COL24A1: variants seen among roughly 807,000 people sequenced by gnomAD.
The protein encoded by COL24A1 is collagen type XXIV alpha 1 chain.
COL24A1 carries 224 observed loss-of-function variants against 253.9 expected under a neutral mutation model. That is an observed-to-expected ratio of 0.88 (90% CI 0.79 to 0.99). The LOEUF (loss-of-function observed/expected upper bound fraction) is 0.99. COL24A1 is among the 50% of genes least tolerant of loss of function. The pLI is 0.00. For missense variants in COL24A1, 2,131 were observed against 2,068.5 expected (o/e 1.03, Z -0.59); for synonymous variants, 685 against 673.7 (o/e 1.02, Z -0.26).
chr1:85,858,152 G>C (rs1460904612), intron 37 of COL24A1, among the ~76,000 whole-genome samples: 1 of 152,162 alleles, frequency 6.6e-6, no homozygotes, highest in Non-Finnish European at 1.5e-5. Context: ...AGCTTTATAA[G>C]TGGTTTGGTC....
chr1:85,802,372 T>G (rs889748674), intron 47 of COL24A1, among the ~76,000 whole-genome samples: 8 of 152,148 alleles, frequency 5.3e-5, no homozygotes, highest in African/African-American at 1.7e-4. Flanking sequence ...TTTTTTTGAT[T>G]CTTTAAGCAC....
intron 47 of COL24A1, among the ~76,000 whole-genome samples, chr1:85,790,661 G>A (rs532040604): frequency 1.1e-4 from 2 of 18,482 alleles, no homozygotes; most frequent in South Asian, 5.4e-3. Flanking sequence ...TTTATTTTAC[G>A]TATTACCAGT....
At chr1:86,062,717 A>G (rs985829935) in intron 8 of COL24A1, among the ~76,000 whole-genome samples, 1 of 152,108 alleles carries the variant, frequency 6.6e-6, no homozygotes, top group South Asian at 2.1e-4. Flanking sequence ...AAATGCTCAA[A>G]TGCTTTTCAG....
At chr1:85,802,760 T>C (rs1671570215) in intron 47 of COL24A1, among the ~76,000 whole-genome samples, 1 of 152,184 alleles carries the variant, frequency 6.6e-6, no homozygotes, top group Admixed American at 6.5e-5. Flanking sequence ...TTCTATCTCC[T>C]GAAAACCCGA....
At chr1:86,089,777 G>A (rs1161021409) in intron 6 of COL24A1, among the ~76,000 whole-genome samples, 1 of 152,138 alleles carries the variant, frequency 6.6e-6, no homozygotes, top group African/African-American at 2.4e-5. Context: ...CCAAGATCTC[G>A]CCACTGCACT....
intron 2 of COL24A1, among the ~76,000 whole-genome samples, chr1:86,132,018 C>T (rs1649307273): frequency 6.6e-6 from 1 of 152,166 alleles, no homozygotes; most frequent in Admixed American, 6.5e-5. Context: ...TCCTCCTCTC[C>T]AGCACTTGTT....
intron 24 of COL24A1, among the ~76,000 whole-genome samples, chr1:85,932,661 A>C (rs1180006416): frequency 1.1e-5 from 1 of 88,828 alleles, no homozygotes; most frequent in African/African-American, 4.8e-5. Flanking sequence ...GGCACTATTC[A>C]CAATAGCAAA....
intron 24 of COL24A1, among the ~76,000 whole-genome samples, chr1:85,919,974 C>T (rs1686282967): frequency 6.6e-6 from 1 of 152,078 alleles, no homozygotes; most frequent in African/African-American, 2.4e-5. Context: ...GAATCAATTT[C>T]CAGTTTAGTA....
intron 24 of COL24A1, among the ~76,000 whole-genome samples, chr1:85,950,191 A>AAAGC (rs145078903): frequency 0.12 from 17,591 of 152,196 alleles, 1,126 homozygotes; most frequent in South Asian, 0.23. Context: ...GAACACATAA[A>AAAGC]AAGCAAGAAT....
chr1:85,786,407 CT>C lies in COL24A1; in HGVS notation c.4005del (p.Gly1336GlufsTer2), dbSNP rs1398777218. On this transcript the variant is annotated frameshift_variant, in exon 48 of 60. Coordinates refer to ENST00000370571, the MANE Select transcript of COL24A1 (RefSeq NM_152890.7). LOFTEE classifies it high-confidence loss of function. ...RTGLAGAPGP[P>X]GVKGSSGLPG... ...GGCAAGCCTGATGAACCCTTTACTC[CT>C]GGAGGACCTGGAGCCCCAGCAAGAC... 1 of 1,613,804 alleles carries C rather than the reference CT, an allele frequency of 6.2e-7. No homozygotes were observed. Among genetic ancestry groups the C allele is most frequent in the South Asian group, 1.1e-5 (1 of 91,030 alleles).
chr1:86,065,756 T>TAAAAAAAAAAAAAAA (rs71078636), intron 7 of COL24A1, among the ~76,000 whole-genome samples: 1 of 118,608 alleles, frequency 8.4e-6, no homozygotes, highest in African/African-American at 3.0e-5. Context: ...TAGCAACCTC[T>TAAAAAAAAAAAAAAA]AAAAAAAAAA....
chr1:85,917,774 T>C (rs1394199585), intron 24 of COL24A1, among the ~76,000 whole-genome samples: 4 of 152,146 alleles, frequency 2.6e-5, no homozygotes, highest in South Asian at 4.1e-4. Flanking sequence ...CATTGTAACC[T>C]TTGCCTCCCA....
intron 20 of COL24A1, among the ~76,000 whole-genome samples, chr1:85,976,813 C>T (rs954064912): frequency 3.9e-5 from 6 of 152,280 alleles, no homozygotes; most frequent in African/African-American, 1.2e-4. Context: ...GACAAAATAA[C>T]CCTACTCCAA....
chr1:86,156,202 A>C, intron 1 of COL24A1, 139 bp downstream of exon 1: 1 of 657,364 alleles, frequency 1.5e-6, no homozygotes, highest in Admixed American at 2.6e-5. Flanking sequence ...AGGGGAAGAT[A>C]CCGCGGGTAC....
intron 19 of COL24A1, among the ~76,000 whole-genome samples, chr1:86,008,438 T>C (rs559330893): frequency 6.6e-6 from 1 of 152,188 alleles, no homozygotes; most frequent in East Asian, 1.9e-4. Flanking sequence ...GTAGAGATGG[T>C]GTTTTGCCAT....
chr1:86,005,327 A>G (rs953657870), intron 19 of COL24A1, among the ~76,000 whole-genome samples: 1 of 152,168 alleles, frequency 6.6e-6, no homozygotes, highest in Admixed American at 6.5e-5. Flanking sequence ...AAAGGTGAAC[A>G]TATATTAGGT....
intron 55 of COL24A1, among the ~76,000 whole-genome samples, chr1:85,756,024 A>G (rs998760800): frequency 3.5e-5 from 5 of 141,184 alleles, no homozygotes; most frequent in Admixed American, 2.4e-4. Context: ...AATATCTAGA[A>G]TATTTAAAGA....
At chr1:86,036,320 T>G (rs995997515) in intron 12 of COL24A1, among the ~76,000 whole-genome samples, 2 of 152,114 alleles carry the variant, frequency 1.3e-5, no homozygotes, top group Non-Finnish European at 2.9e-5. Flanking sequence ...ACTTTATTAC[T>G]CATTAAACAT....
intron 20 of COL24A1, among the ~76,000 whole-genome samples, chr1:85,979,240 A>G (rs1447367599): frequency 6.6e-6 from 1 of 152,216 alleles, no homozygotes; most frequent in Non-Finnish European, 1.5e-5. Context: ...AAAAAGTCTG[A>G]AAGAGCACAA....
Sources: allele counts gnomAD v4.1 joint callset (sites outside exome capture counted in the v4.1 genomes callset), GRCh38; gene constraint gnomAD v4.1.1; transcripts MANE v1.5; gene names NCBI Gene and HGNC (gene_info 2026-07-23, HGNC 2026-07-21).